The following DLG2 variants were observed in gnomAD, a reference collection of about 807,000 sequenced individuals.
The protein encoded by DLG2 is discs large MAGUK scaffold protein 2.
In DLG2, 45 loss-of-function variants were observed where a neutral mutation model predicts 132.5. The ratio of observed to expected loss-of-function variants is 0.34; its 90% CI spans 0.27 to 0.44. DLG2 has a LOEUF of 0.44. Among genes scored for constraint, DLG2 ranks in the 20% least tolerant of loss-of-function variants. DLG2 has a pLI of 1.00. For missense variants in DLG2, 1,045 were observed against 1,196.9 expected (o/e 0.87, Z 1.87); for synonymous variants, 424 against 419.6 (o/e 1.01, Z -0.13).
At chr11:84,995,677 A>T (rs2057576352) in intron 6 of DLG2, among the ~76,000 whole-genome samples, 1 of 152,178 alleles carries the variant, frequency 6.6e-6, no homozygotes, top group Non-Finnish European at 1.5e-5. Context: ...TATTCATATT[A>T]TGGTTAGAAA....
intron 17 of DLG2, among the ~76,000 whole-genome samples, chr11:83,787,382 C>T (rs867716978): frequency 8.1e-5 from 11 of 136,232 alleles, no homozygotes; most frequent in South Asian, 2.5e-4. Flanking sequence ...AGTGCAGTGA[C>T]GCGATCTCTG....
intron 7 of DLG2, among the ~76,000 whole-genome samples, chr11:84,440,331 G>T (rs1320719118): frequency 6.6e-6 from 1 of 152,174 alleles, no homozygotes; most frequent in Non-Finnish European, 1.5e-5. Context: ...TTTGTCAAAT[G>T]CATCTATGAC....
intron 18 of DLG2, among the ~76,000 whole-genome samples, chr11:83,718,198 C>T (rs190935907): frequency 2.6e-5 from 4 of 152,210 alleles, no homozygotes; most frequent in East Asian, 1.9e-4. Flanking sequence ...GGAGTAGAGA[C>T]GGCTTCTCAG....
At chr11:83,583,306 C>G (rs983170279) in intron 19 of DLG2, among the ~76,000 whole-genome samples, 2 of 152,186 alleles carry the variant, frequency 1.3e-5, no homozygotes, top group Admixed American at 6.5e-5. Context: ...GAAGGCTGCC[C>G]TCTTTGCACT....
chr11:84,657,592 A>C (rs1401790559), intron 6 of DLG2, among the ~76,000 whole-genome samples: 6 of 152,238 alleles, frequency 3.9e-5, no homozygotes, highest in South Asian at 2.1e-4. Flanking sequence ...TTAGATTCTC[A>C]TAAGAAGTAC....
intron 6 of DLG2, among the ~76,000 whole-genome samples, chr11:84,707,964 C>A (rs1222245261): frequency 6.6e-6 from 1 of 151,922 alleles, no homozygotes; most frequent in African/African-American, 2.4e-5. Flanking sequence ...GAGACTTTCC[C>A]TGGGCTCAGA....
At chr11:85,406,850 A>G (rs1168465711) in intron 3 of DLG2, among the ~76,000 whole-genome samples, 7 of 151,952 alleles carry the variant, frequency 4.6e-5, no homozygotes, top group Admixed American at 4.6e-4. Flanking sequence ...AAGAACTATG[A>G]GGAAAAATAA....
At chr11:83,656,192 C>T (rs2153531838) in intron 18 of DLG2, among the ~76,000 whole-genome samples, 1 of 152,358 alleles carries the variant, frequency 6.6e-6, no homozygotes, top group Middle Eastern at 3.4e-3. Context: ...TAAGAGTCAT[C>T]ACTGAATCTA....
At chr11:85,211,637 A>G (rs1426747946) in intron 4 of DLG2, among the ~76,000 whole-genome samples, 1 of 152,114 alleles carries the variant, frequency 6.6e-6, no homozygotes, top group African/African-American at 2.4e-5. Flanking sequence ...ATGCCCTAGG[A>G]AAACAATCTG....
chr11:84,910,282 A>C (rs1334354011), intron 6 of DLG2, among the ~76,000 whole-genome samples: 1 of 152,196 alleles, frequency 6.6e-6, no homozygotes, highest in African/African-American at 2.4e-5. Context: ...TTTAGGCCTA[A>C]GGGAAAAAGT....
intron 6 of DLG2, among the ~76,000 whole-genome samples, chr11:84,547,639 A>G (rs916119743): frequency 6.6e-6 from 1 of 152,172 alleles, no homozygotes; most frequent in Admixed American, 6.5e-5. Flanking sequence ...ATATCTTTCC[A>G]GATGCTTTCC....
At chr11:84,334,669 G>T (rs2098475714) in intron 7 of DLG2, among the ~76,000 whole-genome samples, 1 of 152,096 alleles carries the variant, frequency 6.6e-6, no homozygotes, top group Non-Finnish European at 1.5e-5. Flanking sequence ...CCTTCAAAAG[G>T]CCTCAGTTTA....
intron 6 of DLG2, among the ~76,000 whole-genome samples, chr11:84,655,595 C>T (rs1483733177): frequency 6.6e-6 from 1 of 152,116 alleles, no homozygotes; most frequent in Admixed American, 6.6e-5. Context: ...GAAAGAACAT[C>T]AGGAATGAAA....
intron 6 of DLG2, among the ~76,000 whole-genome samples, chr11:85,107,230 A>G (rs1488733879): frequency 1.3e-5 from 2 of 152,188 alleles, no homozygotes; most frequent in East Asian, 3.9e-4. Flanking sequence ...CTTTCCCAGC[A>G]TTAATTTCCA....
chr11:83,983,650 C>A (rs558965577), intron 11 of DLG2, among the ~76,000 whole-genome samples: 1 of 151,936 alleles, frequency 6.6e-6, no homozygotes, highest in Admixed American at 6.6e-5. Context: ...ATTGATAGGG[C>A]AATTAAAGCA....
intron 15 of DLG2, among the ~76,000 whole-genome samples, chr11:83,916,708 C>T (rs2076980529): frequency 6.6e-6 from 1 of 152,136 alleles, no homozygotes; most frequent in African/African-American, 2.4e-5. Flanking sequence ...TTCCCCATCC[C>T]AATCATACTT....
chr11:83,805,657 C>T (rs1416054193), intron 17 of DLG2, among the ~76,000 whole-genome samples: 1 of 152,052 alleles, frequency 6.6e-6, no homozygotes, highest in Non-Finnish European at 1.5e-5. Context: ...TCTTTAAATA[C>T]TGCCTTTCAC....
intron 6 of DLG2, among the ~76,000 whole-genome samples, chr11:84,926,586 G>A (rs1350119259): frequency 6.6e-6 from 1 of 151,950 alleles, no homozygotes; most frequent in African/African-American, 2.4e-5. Flanking sequence ...AGGGAGAGGT[G>A]TGGGGTGTGG....
At chr11:83,703,038 T>C (rs1279924296) in intron 18 of DLG2, among the ~76,000 whole-genome samples, 1 of 152,272 alleles carries the variant, frequency 6.6e-6, no homozygotes, top group African/African-American at 2.4e-5. Flanking sequence ...ACATCTGTGC[T>C]GTTCCAGCAT....
Sources: allele counts gnomAD v4.1 joint callset (sites outside exome capture counted in the v4.1 genomes callset), GRCh38; gene constraint gnomAD v4.1.1; transcripts MANE v1.5; gene names NCBI Gene and HGNC (gene_info 2026-07-23, HGNC 2026-07-21).